Variants in CBR4 observed in about 807,000 individuals in gnomAD.
CBR4 encodes 3-oxoacyl-[acyl-carrier-protein] reductase.
CBR4 carries 22 observed loss-of-function variants against 21.0 expected under a neutral mutation model. The ratio of observed to expected loss-of-function variants is 1.05; its 90% confidence interval spans 0.75 to 1.50. The LOEUF is 1.50. CBR4 is among the 40% of genes most tolerant of loss of function. The pLI, the probability that CBR4 is intolerant of heterozygous loss-of-function variation, is 0.00. For missense variants in CBR4, 302 were observed against 286.3 expected, an observed-to-expected ratio of 1.05 and a Z score of -0.40; for synonymous variants, 100 against 104.4, an observed-to-expected ratio of 0.96 and a Z score of 0.26.
At chr4:168,919,887 T>C (rs1761077029) in intron 2 of CBR4, among the ~76,000 whole-genome samples, 1 of 152,124 alleles carries the variant, frequency 6.6e-6, no homozygotes, top group South Asian at 2.1e-4. Flanking sequence ...GAACTGGGGT[T>C]AGAAAAAAGG....
In CBR4 at chr4:169,009,983, A is replaced by C. The variant is rs752344819; in HGVS notation, c.107T>G (p.Leu36Arg). The C allele has an allele frequency of 1.9e-6, 3 of 1,613,076 alleles. No individual in the cohort carries two copies. The highest frequency in any genetic ancestry group is 2.5e-6 in the Non-Finnish European group (3 of 1,179,724). ...GYRLAVIARN[L>R]EGAKAAAGDL... ...ACCGGCGGCGGCTTTGGCCCCTTCC[A>C]GGTTTCTGGCAATGACCGCCAGTCG... Residue 36 changes from leucine to arginine, a missense_variant, in exon 1 of 5, where the codon CTG (leucine) becomes CGG (arginine). By Grantham distance (102) the Leu-to-Arg change is moderately radical. Transcript: ENST00000306193.
chr4:168,898,922 T>C (rs543615136), intron 2 of CBR4, among the ~76,000 whole-genome samples: 17 of 152,274 alleles, frequency 1.1e-4, no homozygotes, highest in African/African-American at 4.1e-4. Context: ...AGTTTGGGTT[T>C]GAAGAATAGA....
intron 2 of CBR4, chr4:168,921,812 C>T (rs1295799624): frequency 8.6e-7 from 1 of 1,164,892 alleles, no homozygotes; most frequent in Non-Finnish European, 1.3e-6. Flanking sequence ...ACTAATTCTA[C>T]ATTACTAACC....
At chr4:168,911,811 T>C (rs1249353856) in intron 2 of CBR4, among the ~76,000 whole-genome samples, 3 of 152,206 alleles carry the variant, frequency 2.0e-5, no homozygotes, top group Non-Finnish European at 4.4e-5. Context: ...TCATGTCTCC[T>C]TGGAAATTTT....
At chr4:168,973,710 C>T (rs1357159436) in intron 2 of CBR4, among the ~76,000 whole-genome samples, 1 of 152,238 alleles carries the variant, frequency 6.6e-6, no homozygotes, top group African/African-American at 2.4e-5. Flanking sequence ...TTTTTAATTA[C>T]TCTTAATCTC....
chr4:168,990,253 C>G lies in CBR4; in HGVS notation c.611G>C (p.Gly204Ala), dbSNP rs1325208748. 1 of 1,613,550 alleles carries G rather than the reference C, an allele frequency of 6.2e-7. No homozygotes were observed. Residue 204 changes from glycine to alanine, a missense_variant, in exon 5 of 5, where the codon GGA becomes GCA. Physicochemically the swap from Gly to Ala is moderately conservative, Grantham distance 60. Transcript: ENST00000306193. ...CGCATGTGCCACCTCAATAGTTTCT[C>G]CAAACCTCCCAAGAGGAATATTTTT... ...LKKNIPLGRFGETIEVAHAVV... is the reference protein window; with the variant it reads ...LKKNIPLGRFAETIEVAHAVV...
chr4:168,926,390 G>A (rs1473872513), intron 2 of CBR4: 1 of 1,535,056 alleles, frequency 6.5e-7, no homozygotes, highest in Admixed American at 2.0e-5. Context: ...CTGTAATCCA[G>A]CATTCTTGTT....
intron 1 of CBR4, among the ~76,000 whole-genome samples, chr4:169,009,279 G>A (rs548530916): frequency 6.6e-6 from 1 of 152,014 alleles, no homozygotes; most frequent in South Asian, 2.1e-4. Flanking sequence ...ATAATAAGCC[G>A]GAAATAAAAA....
chr4:168,911,334 T>G (rs1758902635), intron 2 of CBR4, among the ~76,000 whole-genome samples: 1 of 152,226 alleles, frequency 6.6e-6, no homozygotes, highest in South Asian at 2.1e-4. Flanking sequence ...TCTAACCGCA[T>G]AAATGATTAG....
At chr4:168,925,805 G>A (rs552717967) in intron 2 of CBR4, among the ~76,000 whole-genome samples, 3 of 152,056 alleles carry the variant, frequency 2.0e-5, no homozygotes, top group Non-Finnish European at 4.4e-5. Flanking sequence ...CCTACTGTAC[G>A]ATTCCTTTCA....
chr4:168,991,081 T>C (rs28363740), intron 4 of CBR4, among the ~76,000 whole-genome samples: 1,725 of 152,022 alleles, frequency 0.011, 48 homozygotes, highest in African/African-American at 0.039. Flanking sequence ...AACAAAATAG[T>C]TTTGTTAGTA....
chr4:168,989,026 G>A lies in CBR4; in HGVS notation c.*1124C>T. 1.0e-6 allele frequency: 1 copy of A among 984,516 alleles called. No homozygotes were observed. Among genetic ancestry groups the A allele is most frequent in the Non-Finnish European group, 1.2e-6 (1 of 829,112 alleles). The allele number at this position is 984,516 out of a possible 1,614,324, so 61.0% of individuals were successfully genotyped here. ...TTACCTGGTATTTCACATTCGGTTT[G>A]TGTCTTTATCTCTACTCCCAGGCAA... On this transcript the variant is annotated 3_prime_UTR_variant, in exon 5 of 5. Coordinates refer to ENST00000306193, the MANE Select transcript of CBR4 (RefSeq NM_032783.5).
chr4:168,935,132 G>A (rs1413550011), intron 2 of CBR4, among the ~76,000 whole-genome samples: 1 of 152,222 alleles, frequency 6.6e-6, no homozygotes, highest in African/African-American at 2.4e-5. Context: ...AGGGCGAGCA[G>A]AAGCAGGGTG....
At chr4:168,990,911 G>A (rs1764887787) in intron 4 of CBR4, among the ~76,000 whole-genome samples, 1 of 151,806 alleles carries the variant, frequency 6.6e-6, no homozygotes, top group African/African-American at 2.4e-5. Context: ...AAAATTAGCT[G>A]GGGGTGGTGG....
intron 4 of CBR4, among the ~76,000 whole-genome samples, chr4:168,994,745 ATTTTTTT>A (rs5863973): frequency 1.0e-4 from 5 of 48,790 alleles, no homozygotes; most frequent in East Asian, 1.5e-3. Flanking sequence ...CGCCTGGCTA[ATTTTTTT>A]TTTTTTTTTT....
chr4:168,970,874 T>C (rs1487308202), intron 2 of CBR4, among the ~76,000 whole-genome samples: 1 of 152,116 alleles, frequency 6.6e-6, no homozygotes, highest in Non-Finnish European at 1.5e-5. Flanking sequence ...ATCTACTCGT[T>C]GGTTGATGGG....
chr4:169,001,830 C>CTT, intron 4 of CBR4: 1 of 257,834 alleles, frequency 3.9e-6, no homozygotes, highest in Non-Finnish European at 7.3e-6. Context: ...AAATAAGCCT[C>CTT]TTTTTTTTAT....
In CBR4 at chr4:169,002,128, G is replaced by A. The variant is rs200095550; in HGVS notation, c.478C>T (p.Arg160Cys). 2.1e-4 allele frequency: 327 copies of A among 1,592,846 alleles called. No individual in the cohort carries two copies. The highest frequency in any genetic ancestry group is 2.6e-4 in the Non-Finnish European group (301 of 1,171,010). ...CTTGCTACCTCTTTAGCAAGAGCAC[G>A]TGAAAATCCAACTAATCCTCCTTTA... ...ASKGGLVGFS[R>C]ALAKEVARKK... Residue 160 changes from arginine to cysteine, a missense_variant, in exon 4 of 5, where the codon CGT (arginine) becomes TGT (cysteine). By Grantham distance (180) the Arg-to-Cys change is radical (BLOSUM62 -3). Coordinates refer to ENST00000306193, the MANE Select transcript of CBR4 (RefSeq NM_032783.5).
At chr4:169,009,091 A>C (rs1731168287) in intron 1 of CBR4, 1 of 446,248 alleles carries the variant, frequency 2.2e-6, no homozygotes, top group Non-Finnish European at 4.5e-6. Flanking sequence ...GATACACAAA[A>C]ACAGTAAGAG....
Sources: allele counts gnomAD v4.1 joint callset (sites outside exome capture counted in the v4.1 genomes callset), GRCh38; gene constraint gnomAD v4.1.1; transcripts MANE v1.5; gene names NCBI Gene and HGNC (gene_info 2026-07-23, HGNC 2026-07-21).